Variants in TEX11 observed in about 807,000 individuals in gnomAD.
The protein encoded by TEX11 is testis-expressed protein 11.
In TEX11, 7 loss-of-function variants were observed where a neutral mutation model predicts 84.4. That is an observed-to-expected ratio of 0.08 (90% CI 0.05 to 0.16). TEX11 has a LOEUF of 0.16. Among genes scored for constraint, TEX11 ranks in the 10% least tolerant of loss-of-function variants. The pLI is 1.00. For synonymous variants in TEX11, 264 were observed against 222.8 expected (o/e 1.18, Z -1.64); for missense variants, 551 against 660.5 (o/e 0.83, Z 1.82).
chrX:70,798,871 C>G (rs987480273), intron 9 of TEX11, among the ~76,000 whole-genome samples: 2 of 104,636 alleles, frequency 1.9e-5, no homozygotes, highest in East Asian at 6.2e-4. Flanking sequence ...AAATGTAAGA[C>G]CAGAAACTGT....
At chrX:70,809,281 TTAACTC>T (rs1177482253) in intron 8 of TEX11, among the ~76,000 whole-genome samples, 7 of 111,819 alleles carry the variant, frequency 6.3e-5, no homozygotes, top group Admixed American at 3.8e-4. Context: ...ACCAATATAA[TTAACTC>T]CAGGGAAAAA....
chrX:70,716,379 C>T (rs1040513519), intron 13 of TEX11, among the ~76,000 whole-genome samples: 1 of 106,901 alleles, frequency 9.4e-6, no homozygotes, highest in South Asian at 4.2e-4. Context: ...CTATGCCCTG[C>T]CCCCAGAGGT....
chrX:70,708,440 T>G (rs1157411545), intron 13 of TEX11, among the ~76,000 whole-genome samples: 1 of 111,540 alleles, frequency 9.0e-6, no homozygotes, highest in African/African-American at 3.3e-5. Flanking sequence ...AGCAATCCCA[T>G]TACTGGGTAT....
intron 9 of TEX11, among the ~76,000 whole-genome samples, chrX:70,785,564 A>T (rs1569440869): frequency 1.8e-5 from 2 of 111,898 alleles, no homozygotes; most frequent in African/African-American, 6.5e-5. Flanking sequence ...TTCACAACCT[A>T]CTCATCTGAC....
rs191940906 is a variant in TEX11 at position 70,669,857 on chromosome X, C to T, written c.1380+520G>A. On this transcript the variant is annotated intron_variant, in intron 16 of 29. Transcript: ENST00000374333. ...TCCTAATTGCTTTGGAAAGTATTTC[C>T]GTTCTATCTTTAAACAAGCTTTTAT... 8.0e-5 allele frequency among the ~76,000 whole-genome samples: 9 copies of T among 112,547 alleles called. No homozygotes were observed. The East Asian group carries it at 1.9e-3, about 24-fold the overall frequency.
chrX:70,694,319 A>G (rs1312878744), intron 13 of TEX11, among the ~76,000 whole-genome samples: 1 of 111,896 alleles, frequency 8.9e-6, no homozygotes, highest in Non-Finnish European at 1.9e-5. Context: ...CTGCTATTAC[A>G]AGCGTGAGCC....
intron 15 of TEX11, among the ~76,000 whole-genome samples, chrX:70,674,761 T>A (rs1040679758): frequency 8.9e-6 from 1 of 111,802 alleles, no homozygotes; most frequent in South Asian, 3.8e-4. Context: ...TGACAATCTC[T>A]GCCTTTTCAC....
chrX:70,670,185 CTCTT>C (rs1434855940), intron 16 of TEX11, among the ~76,000 whole-genome samples, 188 bp downstream of exon 16: 1 of 111,995 alleles, frequency 8.9e-6, no homozygotes, highest in Non-Finnish European at 1.9e-5. Context: ...TCCAAATTCT[CTCTT>C]TCTTTGGGAA....
Position 70,624,848 on chromosome X carries a change from G to A in TEX11, c.1685C>T (p.Thr562Ile), listed in dbSNP as rs756344129. The A allele has an allele frequency of 6.6e-6, 8 of 1,204,227 alleles. No individual in the cohort carries two copies. The Admixed American group carries it at 1.3e-4, about 20-fold the overall frequency. ...QHSEDQEQVL[T>I]AVKCLLRFLL... The stretch of plus-strand genomic sequence containing the variant: ...GATGTAGGTTACTTACTTTACAGCT[G>A]TAAGAACTTGTTCCTGGTCTTCTGA... Residue 562 changes from threonine (T) to isoleucine (I), a missense_variant, in exon 19 of 30, where the codon ACA becomes ATA. Physicochemically the swap from Thr to Ile is moderately conservative, Grantham distance 89. Transcript: ENST00000374333.
At chrX:70,640,833 C>A (rs1281985205) in intron 17 of TEX11, among the ~76,000 whole-genome samples, 1 of 110,598 alleles carries the variant, frequency 9.0e-6, no homozygotes, top group Non-Finnish European at 1.9e-5. Context: ...ATGTAAAGAC[C>A]ATCGAGACTA....
At chrX:70,719,849 T>C (rs762989826) in intron 13 of TEX11, among the ~76,000 whole-genome samples, 12 of 111,080 alleles carry the variant, frequency 1.1e-4, no homozygotes, top group African/African-American at 3.9e-4. Flanking sequence ...AGAATGGCGA[T>C]CATTAAAAAG....
intron 13 of TEX11, among the ~76,000 whole-genome samples, chrX:70,690,315 T>C (rs2090223302): frequency 8.9e-6 from 1 of 111,881 alleles, no homozygotes; most frequent in South Asian, 3.7e-4. Context: ...AAGATGGCAA[T>C]ACTAGGGGAA....
the TEX11 span, among the ~76,000 whole-genome samples, chrX:70,521,532 C>T: frequency 1.3e-4 from 14 of 111,709 alleles, no homozygotes; most frequent in African/African-American, 4.6e-4. Flanking sequence ...CCTCCCTGGC[C>T]TCTCAAAGTG....
At chrX:70,772,410 AC>A (rs1424046790) in intron 9 of TEX11, among the ~76,000 whole-genome samples, 1 of 110,422 alleles carries the variant, frequency 9.1e-6, no homozygotes, top group Non-Finnish European at 1.9e-5. Context: ...CCCCATCTAT[AC>A]AAAAATTTAA....
the TEX11 span, among the ~76,000 whole-genome samples, chrX:70,521,902 A>C: frequency 7.1e-3 from 784 of 110,462 alleles, 7 homozygotes; most frequent in Non-Finnish European, 0.01. Context: ...TTTGTCACCC[A>C]GGCTGGAGTG....
chrX:70,806,157 T>C (rs939863849), intron 9 of TEX11, among the ~76,000 whole-genome samples: 5 of 111,936 alleles, frequency 4.5e-5, no homozygotes, highest in African/African-American at 1.6e-4. Context: ...AGCTCTTATA[T>C]TAAGAAGAGA....
chrX:70,721,456 G>C (rs1251786706), intron 13 of TEX11, among the ~76,000 whole-genome samples: 5 of 111,986 alleles, frequency 4.5e-5, no homozygotes, highest in Non-Finnish European at 9.4e-5. Context: ...TGAAATTTTT[G>C]TGAACAACAT....
Position 70,786,068 on chromosome X carries a change from C to A in TEX11, c.692+20637G>T, listed in dbSNP as rs980290298. Among the ~76,000 whole-genome samples, 3 of 111,929 alleles carry A rather than the reference C, an allele frequency of 2.7e-5. No homozygotes were observed. In the Admixed American group the frequency reaches 2.8e-4, roughly 11 times the overall value. ...ACAATAGTAAAGACTTGGAACCAACCCAAATGTCCATCAATGATAGACTGG... is the reference window on the plus strand; with the variant it reads ...ACAATAGTAAAGACTTGGAACCAACACAAATGTCCATCAATGATAGACTGG... On this transcript the variant is annotated intron_variant, in intron 9 of 29. Coordinates refer to ENST00000374333, the MANE Select transcript of TEX11 (RefSeq NM_031276.3).
At chrX:70,716,501 C>T (rs762102960) in intron 13 of TEX11, among the ~76,000 whole-genome samples, 2 of 112,341 alleles carry the variant, frequency 1.8e-5, no homozygotes, top group Admixed American at 1.9e-4. Flanking sequence ...GGGCGCCCCT[C>T]CCCCAGCCTC....
Sources: gnomAD v4.1 joint callset for allele counts (sites outside exome capture counted in the v4.1 genomes callset) on GRCh38, gnomAD v4.1.1 for gene constraint, MANE v1.5 for transcripts, NCBI Gene and HGNC (gene_info 2026-07-23, HGNC 2026-07-21) for gene names.